Variants in RAB6B observed in about 807,000 individuals in gnomAD.
RAB6B encodes the protein RAB6B, member RAS oncogene family.
RAB6B carries 7 observed loss-of-function variants against 31.2 expected under a neutral mutation model. That is an observed-to-expected ratio of 0.22 (90% CI 0.13 to 0.42). RAB6B has a LOEUF of 0.42. RAB6B is among the 10% of genes least tolerant of loss of function. RAB6B has a pLI of 1.00. For synonymous variants in RAB6B, 105 were observed against 104.9 expected, an observed-to-expected ratio of 1.00 and a Z score of -0.01; for missense variants, 149 against 280.6, an observed-to-expected ratio of 0.53 and a Z score of 3.35.
At chr3:133,856,057 C>T (rs565479128) in intron 2 of RAB6B, among the ~76,000 whole-genome samples, 1 of 152,140 alleles carries the variant, frequency 6.6e-6, no homozygotes, top group Admixed American at 6.5e-5. Context: ...ACCCACAGGC[C>T]ACGACGGCAG....
intron 1 of RAB6B, among the ~76,000 whole-genome samples, chr3:133,878,260 T>C (rs1266686681): frequency 1.3e-5 from 2 of 151,690 alleles, no homozygotes; most frequent in African/African-American, 2.4e-5. Context: ...GCATAGTCAG[T>C]GACAAAAAAA....
chr3:133,860,912 C>A (rs1001963376), intron 2 of RAB6B, among the ~76,000 whole-genome samples: 1 of 152,216 alleles, frequency 6.6e-6, no homozygotes, highest in African/African-American at 2.4e-5. Context: ...AGGCTTTAAG[C>A]ATGCTAATAC....
chr3:133,839,074 A>G (rs753699095), intron 5 of RAB6B, among the ~76,000 whole-genome samples: 1 of 152,242 alleles, frequency 6.6e-6, no homozygotes, highest in Non-Finnish European at 1.5e-5. Context: ...AATGCTCTGC[A>G]TGCTCACACC....
chr3:133,859,490 C>T (rs181517729), intron 2 of RAB6B, among the ~76,000 whole-genome samples: 1 of 152,244 alleles, frequency 6.6e-6, no homozygotes, highest in Admixed American at 6.5e-5. Context: ...AACCTTCTGG[C>T]TTGATCCCCA....
chr3:133,844,627 G>T (rs1935881986), intron 2 of RAB6B, among the ~76,000 whole-genome samples: 1 of 152,152 alleles, frequency 6.6e-6, no homozygotes, highest in South Asian at 2.1e-4. Flanking sequence ...CAATTTGCAA[G>T]CACTGAAGAA....
intron 1 of RAB6B, among the ~76,000 whole-genome samples, chr3:133,876,711 T>C (rs973583890): frequency 1.3e-5 from 2 of 152,204 alleles, no homozygotes; most frequent in African/African-American, 4.8e-5. Context: ...GAGCTTTTTA[T>C]AAGAGCTGGG....
rs1105563 is a variant in RAB6B at position 133,841,701 on chromosome 3, G to A, written c.130-38C>T. ...AGCACAGAACGGTCAAAATCAAAAG[G>A]TCTCATGCAAAGGGGCAAAAGCCTA... is the stretch of plus-strand genomic sequence containing the variant. On this transcript the variant is annotated intron_variant, in intron 2 of 7. Transcript: ENST00000285208. 4.8e-3 allele frequency: 7,702 copies of A among 1,609,414 alleles called. 185 individuals carry two copies. In the African/African-American group the frequency reaches 0.067, roughly 14 times the overall value.
chr3:133,827,951 A>G lies in RAB6B; in HGVS notation c.*837T>C, dbSNP rs1350013464. The G allele has an allele frequency of 2.0e-5, 14 of 702,630 alleles. No homozygotes were observed. The Admixed American group carries it at 2.4e-4, about 12-fold the overall frequency. 43.5% of individuals were successfully genotyped at this position (702,630 alleles called of 1,614,324 possible). ...GTACACATGGCACCCCAGTCTATAA[A>G]CCACGCACCACGCAGCTGCAATTGC... On this transcript the variant is annotated 3_prime_UTR_variant, in exon 8 of 8. Coordinates refer to ENST00000285208, the MANE Select transcript of RAB6B (RefSeq NM_016577.4).
At chr3:133,856,576 A>AAGTAG in intron 2 of RAB6B, among the ~76,000 whole-genome samples, 3 of 152,042 alleles carry the variant, frequency 2.0e-5, no homozygotes, top group Non-Finnish European at 4.4e-5. Flanking sequence ...ACAGTCTCTA[A>AAGTAG]TCAAGCGAGG....
intron 2 of RAB6B, among the ~76,000 whole-genome samples, 195 bp from the exon 3 acceptor site, chr3:133,841,858 A>G (rs1270265321): frequency 6.6e-6 from 1 of 152,186 alleles, no homozygotes. Flanking sequence ...AGCTGAGGAA[A>G]GATGAGGGTG....
At chr3:133,862,701 C>T (rs111476169) in intron 2 of RAB6B, among the ~76,000 whole-genome samples, 99 of 152,208 alleles carry the variant, frequency 6.5e-4, no homozygotes, top group African/African-American at 1.4e-3. Context: ...TGGGAGACGA[C>T]GCTGAACATG....
intron 2 of RAB6B, among the ~76,000 whole-genome samples, chr3:133,864,276 C>T (rs1248800944): frequency 1.3e-5 from 2 of 152,186 alleles, no homozygotes; most frequent in African/African-American, 4.8e-5. Context: ...TCCTCTTCCA[C>T]ATGATGACTC....
chr3:133,843,138 G>C (rs1474157269), intron 2 of RAB6B, among the ~76,000 whole-genome samples: 1 of 152,220 alleles, frequency 6.6e-6, no homozygotes, highest in Non-Finnish European at 1.5e-5. Flanking sequence ...GATATGGGGG[G>C]TCATTCTACG....
intron 2 of RAB6B, among the ~76,000 whole-genome samples, chr3:133,862,293 T>C (rs1936171318): frequency 6.6e-6 from 1 of 152,200 alleles, no homozygotes; most frequent in South Asian, 2.1e-4. Context: ...CAGCAGGCAC[T>C]GGTGATACCA....
chr3:133,895,784 C>G lies in RAB6B; in HGVS notation c.-318G>C. 8.5e-6 allele frequency: 3 copies of G among 351,144 alleles called. No individual in the cohort carries two copies. Among genetic ancestry groups the G allele is most frequent in the Non-Finnish European group, 5.1e-6 (1 of 196,348 alleles). The allele number at this position is 351,144 out of a possible 1,614,324, so 21.8% of individuals were successfully genotyped here. On this transcript the variant is annotated 5_prime_UTR_variant, in exon 1 of 8. Coordinates refer to ENST00000285208, the MANE Select transcript of RAB6B (RefSeq NM_016577.4). Reference sequence around the variant, plus strand: ...CGCTGGGAGAGAGGCGCGGGCGGAGCGGGGCGCAGGGACGGCGCGCGGGGC... The same window carrying G: ...CGCTGGGAGAGAGGCGCGGGCGGAGGGGGGCGCAGGGACGGCGCGCGGGGC...
At chr3:133,849,917 T>A (rs1935954682) in intron 2 of RAB6B, among the ~76,000 whole-genome samples, 1 of 152,176 alleles carries the variant, frequency 6.6e-6, no homozygotes, top group Non-Finnish European at 1.5e-5. Context: ...AATTTCTAGC[T>A]CTTTGACATC....
At chr3:133,849,081 C>T (rs761401003) in intron 2 of RAB6B, among the ~76,000 whole-genome samples, 1 of 152,064 alleles carries the variant, frequency 6.6e-6, no homozygotes, top group Non-Finnish European at 1.5e-5. Context: ...ATGTCTGGGC[C>T]TTTTCTAATA....
At position 133,873,545 on chromosome 3, in the gene RAB6B, C is replaced by T. The variant is rs181632866; in HGVS notation, c.71-8903G>A. 1.5e-4 allele frequency among the ~76,000 whole-genome samples: 23 copies of T among 152,276 alleles called. No homozygotes were observed. In the East Asian group the frequency reaches 3.7e-3, roughly 24 times the overall value. Reference sequence around the variant, plus strand: ...GCCCCAGCCGCCACAGAGGAGGGCTCGGCCCCCTCTCCTGCCCTGCAAAAG... The same window carrying T: ...GCCCCAGCCGCCACAGAGGAGGGCTTGGCCCCCTCTCCTGCCCTGCAAAAG... On this transcript the variant is annotated intron_variant, in intron 1 of 7. Coordinates refer to ENST00000285208, the MANE Select transcript of RAB6B (RefSeq NM_016577.4).
chr3:133,889,681 C>T (rs1208571344), intron 1 of RAB6B, among the ~76,000 whole-genome samples: 2 of 151,920 alleles, frequency 1.3e-5, no homozygotes, highest in East Asian at 1.9e-4. Context: ...AGTGATCTAC[C>T]CACCTTGCCA....
Sources: gnomAD v4.1 joint callset for allele counts (sites outside exome capture counted in the v4.1 genomes callset) on GRCh38, gnomAD v4.1.1 for gene constraint, MANE v1.5 for transcripts, NCBI Gene and HGNC (gene_info 2026-07-23, HGNC 2026-07-21) for gene names.